Variants in EVC2 observed in about 807,000 individuals in gnomAD.
EVC2 encodes the protein limbin.
EVC2 carries 148 observed loss-of-function variants against 149.3 expected under a neutral mutation model. The observed-to-expected ratio is 0.99, with a 90% confidence interval of 0.87 to 1.14. The LOEUF is 1.14. Among genes scored for constraint, EVC2 ranks in the 50% most tolerant of loss-of-function variants. The pLI is 0.00. For missense variants in EVC2, 1,854 were observed against 1,627.3 expected, an observed-to-expected ratio of 1.14 and a Z score of -2.40; for synonymous variants, 776 against 649.9, an observed-to-expected ratio of 1.19 and a Z score of -2.95.
chr4:5,568,496 G>A lies in EVC2; in HGVS notation c.3505C>T (p.His1169Tyr), dbSNP rs747562782. Residue 1169 changes from histidine (H) to tyrosine (Y), a missense_variant, in exon 20 of 22, where the codon CAC (histidine) becomes TAC (tyrosine). His to Tyr is a moderately conservative substitution (Grantham distance 83). Coordinates refer to ENST00000344408, the MANE Select transcript of EVC2 (RefSeq NM_147127.5). ...GCTCCGCCATCGCTCTCAGCTGCGT[G>A]GTCCACATGTCTCTCGGTGGCCGAA... Reference protein sequence around the residue: ...LDSATERHVDHAAESDGGAEQ... With the variant: ...LDSATERHVDYAAESDGGAEQ... The A allele has an allele frequency of 2.5e-5, 39 of 1,586,268 alleles. No individual in the cohort carries two copies. The highest frequency in any genetic ancestry group is 3.1e-5 in the Non-Finnish European group (36 of 1,172,930).
chr4:5,602,664 C>A (rs1420479366), intron 16 of EVC2, among the ~76,000 whole-genome samples: 1 of 151,988 alleles, frequency 6.6e-6, no homozygotes, highest in African/African-American at 2.4e-5. Context: ...CCACAAGATT[C>A]AACTGTAGGT....
chr4:5,643,059 A>T (rs930046527), intron 9 of EVC2, among the ~76,000 whole-genome samples: 1 of 152,242 alleles, frequency 6.6e-6, no homozygotes, highest in South Asian at 2.1e-4. Flanking sequence ...ACTTGTCTAC[A>T]TGAATATGTA....
At chr4:5,559,903 T>G (rs1208716897), downstream of EVC2, among the ~76,000 whole-genome samples, 1 of 152,070 alleles carries the variant, frequency 6.6e-6, no homozygotes, top group Non-Finnish European at 1.5e-5. This position sits in a 1 kb window ranked among gnomAD's most constrained non-coding sequence, Gnocchi z 5.0. Context: ...CTTAAATGTG[T>G]GCTGCTCATA....
In EVC2 at chr4:5,697,649, T is replaced by C. The variant is rs769799880; in HGVS notation, c.229-2A>G. On this transcript the variant is annotated splice_acceptor_variant, in intron 1 of 21. Transcript: ENST00000344408. LOFTEE classifies it high-confidence loss of function. ...GGGCCAAATCATACAGGGCAAGTCC[T>C]AAAAAATTCAAGACACAAAGTCATT... 36 of 1,613,742 alleles carry C rather than the reference T, an allele frequency of 2.2e-5. No individual in the cohort carries two copies. Among genetic ancestry groups the C allele is most frequent in the Non-Finnish European group, 1.7e-6 (2 of 1,179,868 alleles).
intron 12 of EVC2, among the ~76,000 whole-genome samples, chr4:5,627,203 G>A (rs985771551): frequency 3.3e-5 from 5 of 152,088 alleles, no homozygotes; most frequent in African/African-American, 1.2e-4. Context: ...TCTCAAGGGA[G>A]GTTCCTTGAA....
intron 16 of EVC2, among the ~76,000 whole-genome samples, chr4:5,591,449 T>C (rs540905216): frequency 8.5e-5 from 13 of 152,088 alleles, no homozygotes; most frequent in African/African-American, 3.1e-4. Context: ...TTGTGTGGTC[T>C]CCATCTTCCC....
intron 13 of EVC2, among the ~76,000 whole-genome samples, chr4:5,624,580 T>C (rs1221271073): frequency 6.6e-6 from 1 of 152,216 alleles, no homozygotes; most frequent in African/African-American, 2.4e-5. Context: ...CTGCAAGAAA[T>C]AATATTCACA....
At chr4:5,536,906 A>G in the EVC2 span, among the ~76,000 whole-genome samples, 1 of 152,238 alleles carries the variant, frequency 6.6e-6, no homozygotes, top group African/African-American at 2.4e-5. Context: ...TTCATAGAAA[A>G]AGACAAAGCA....
chr4:5,625,021 G>A lies in EVC2; in HGVS notation c.2046+728C>T, dbSNP rs534916135. Among the ~76,000 whole-genome samples the A allele has an allele frequency of 6.6e-6, 1 of 152,048 alleles. No individual in the cohort carries two copies. Among genetic ancestry groups the A allele is most frequent in the Admixed American group, 6.6e-5 (1 of 15,262 alleles). On this transcript the variant is annotated intron_variant, in intron 13 of 21. Coordinates refer to ENST00000344408, the MANE Select transcript of EVC2 (RefSeq NM_147127.5). This position sits in a 1 kb window ranked among gnomAD's most constrained non-coding sequence, Gnocchi z 4.0. Reference sequence around the variant, plus strand: ...GCCAAGTACCAGAGCCTCCCATGGGGTTTGTATTCCCAGGTTCCTCAACTC... The same window carrying A: ...GCCAAGTACCAGAGCCTCCCATGGGATTTGTATTCCCAGGTTCCTCAACTC...
At chr4:5,635,946 G>C (rs1352894419) in intron 10 of EVC2, among the ~76,000 whole-genome samples, 1 of 152,142 alleles carries the variant, frequency 6.6e-6, no homozygotes, top group Non-Finnish European at 1.5e-5. Flanking sequence ...CAAGTAGAAA[G>C]AGTTCACATT....
chr4:5,542,258 C>A (rs1721527454), downstream of EVC2, among the ~76,000 whole-genome samples: 1 of 152,022 alleles, frequency 6.6e-6, no homozygotes, highest in African/African-American at 2.4e-5. Context: ...TTGAGACCAG[C>A]CTGGGAAACG....
chr4:5,685,304 T>A (rs1434398422), intron 6 of EVC2, 66 bp downstream of exon 6: 13 of 1,445,338 alleles, frequency 9.0e-6, no homozygotes, highest in Non-Finnish European at 1.2e-5. Flanking sequence ...GTCTGAAGTG[T>A]CCCTATTTCT....
chr4:5,564,146 G>A (rs1722122191), intron 21 of EVC2, among the ~76,000 whole-genome samples: 1 of 152,192 alleles, frequency 6.6e-6, no homozygotes. Context: ...CCACTCCATT[G>A]CCATCACCAC....
intron 1 of EVC2, among the ~76,000 whole-genome samples, chr4:5,703,259 C>T (rs1455871946): frequency 6.6e-6 from 1 of 152,186 alleles, no homozygotes; most frequent in Non-Finnish European, 1.5e-5. Flanking sequence ...CTATTATTAT[C>T]ACCGCTCTTG....
chr4:5,620,206 C>CCCTTGTG (rs1305594223), intron 14 of EVC2, among the ~76,000 whole-genome samples: 2 of 152,192 alleles, frequency 1.3e-5, no homozygotes, highest in African/African-American at 2.4e-5. Context: ...CTTGCACCTT[C>CCCTTGTG]CCTTGTGCAA....
chr4:5,665,516 C>G lies in EVC2; in HGVS notation c.1004G>C (p.Arg335Pro), dbSNP rs778713498. The G allele has an allele frequency of 6.2e-7, 1 of 1,614,074 alleles. No homozygotes were observed. Among genetic ancestry groups the G allele is most frequent in the South Asian group, 1.1e-5 (1 of 91,076 alleles). Residue 335 changes from arginine (R) to proline (P), a missense_variant and splice_region_variant, in exon 8 of 22, where the codon CGG (arginine) becomes CCG (proline). Transcript: ENST00000344408. ...AAACCACCCTCAGGGAAGACTCACC[C>G]GATGTCTGGTGAGCATGTTTCCCTT... ...CLKGNMLTRHRVWQYESKLEP... is the reference protein window; with the variant it reads ...CLKGNMLTRHPVWQYESKLEP...
At chr4:5,564,551 G>C (rs1722145949) in intron 21 of EVC2, among the ~76,000 whole-genome samples, 1 of 152,198 alleles carries the variant, frequency 6.6e-6, no homozygotes, top group Non-Finnish European at 1.5e-5. Context: ...GCAGGACTGA[G>C]GTAGACATGT....
At chr4:5,534,170 G>A in the EVC2 span, among the ~76,000 whole-genome samples, 16 of 152,304 alleles carry the variant, frequency 1.1e-4, no homozygotes, top group South Asian at 3.1e-3. Flanking sequence ...TGCATGCCTG[G>A]CACCTCAATT....
intron 1 of EVC2, among the ~76,000 whole-genome samples, chr4:5,701,731 C>T (rs1721840740): frequency 6.6e-6 from 1 of 152,226 alleles, no homozygotes; most frequent in South Asian, 2.1e-4. Context: ...ATGTCGAACT[C>T]AACAGCAGTG....
Sources: gnomAD v4.1 joint callset for allele counts (sites outside exome capture counted in the v4.1 genomes callset) on GRCh38, gnomAD v4.1.1 for gene constraint, Gnocchi (gnomAD v3.1) non-coding constraint, MANE v1.5 for transcripts, NCBI Gene and HGNC (gene_info 2026-07-23, HGNC 2026-07-21) for gene names.